CDH10: variants seen among roughly 807,000 people sequenced by gnomAD.
The protein encoded by CDH10 is cadherin-10.
In CDH10, 30 loss-of-function variants were observed where a neutral mutation model predicts 73.1. The ratio of observed to expected loss-of-function variants is 0.41; its 90% CI spans 0.31 to 0.56. CDH10 has a LOEUF of 0.56. Ranked by LOEUF, CDH10 falls within the 20% of genes least tolerant of loss-of-function variation. The pLI, the probability that CDH10 is intolerant of heterozygous loss-of-function variation, is 0.27. For missense variants in CDH10, 815 were observed against 973.7 expected (o/e 0.84, Z 2.17); for synonymous variants, 345 against 348.2 (o/e 0.99, Z 0.10).
At chr5:24,590,643 C>T (rs550511463) in intron 2 of CDH10, among the ~76,000 whole-genome samples, 2 of 152,112 alleles carry the variant, frequency 1.3e-5, no homozygotes, top group African/African-American at 4.8e-5. Context: ...GGGTTTCTAT[C>T]TGAGAAATTA....
intron 1 of CDH10, among the ~76,000 whole-genome samples, chr5:24,629,717 C>T (rs1391631821): frequency 1.3e-5 from 2 of 152,084 alleles, no homozygotes; most frequent in African/African-American, 4.8e-5. Flanking sequence ...TGTTCCTTCA[C>T]AGGCTCTCTT....
At chr5:24,626,789 T>TAC (rs1225471015) in intron 1 of CDH10, among the ~76,000 whole-genome samples, 1 of 148,286 alleles carries the variant, frequency 6.7e-6, no homozygotes, top group Non-Finnish European at 1.5e-5. Context: ...CCTATATATA[T>TAC]ATATGTGTGT....
chr5:24,493,013 G>A, intron 9 of CDH10, 88 bp from the exon 10 acceptor site: 1 of 647,698 alleles, frequency 1.5e-6, no homozygotes, highest in Non-Finnish European at 2.8e-6. Context: ...GTCTGAAGTT[G>A]TTCAAAATAA....
chr5:24,563,775 CAAAAA>C (rs56666966), intron 2 of CDH10, among the ~76,000 whole-genome samples: 4,805 of 128,736 alleles, frequency 0.037, 283 homozygotes, highest in African/African-American at 0.11. Context: ...CCCCCTCCAC[CAAAAA>C]AAAAAAAAAA....
chr5:24,580,472 T>C (rs1027593638), intron 2 of CDH10, among the ~76,000 whole-genome samples: 1 of 152,158 alleles, frequency 6.6e-6, no homozygotes, highest in Non-Finnish European at 1.5e-5. Context: ...AGATATTCTA[T>C]GATACCTTAG....
At chr5:24,536,464 C>G (rs945727829) in intron 3 of CDH10, among the ~76,000 whole-genome samples, 9 of 151,926 alleles carry the variant, frequency 5.9e-5, no homozygotes, top group African/African-American at 2.2e-4. Flanking sequence ...ACAACTATAA[C>G]TGTTACAAGT....
chr5:24,562,980 G>A (rs374722770), intron 2 of CDH10, among the ~76,000 whole-genome samples: 4 of 152,230 alleles, frequency 2.6e-5, no homozygotes, highest in East Asian at 1.9e-4. Context: ...ATTCTTACCC[G>A]ATCTCAAATC....
In CDH10 at chr5:24,627,864, C is replaced by T. The variant is rs530730107; in HGVS notation, c.-124+16730G>A. 6.6e-5 allele frequency among the ~76,000 whole-genome samples: 10 copies of T among 152,072 alleles called. No homozygotes were observed. The South Asian group carries it at 1.5e-3, about 22-fold the overall frequency. On this transcript the variant is annotated intron_variant, in intron 1 of 11. Transcript: ENST00000264463. The stretch of plus-strand genomic sequence containing the variant: ...AACAGTATGTACTGCACAGCACACA[C>T]GCACGCCACACACACACTAATATAG...
At chr5:24,632,697 C>T (rs559808764) in intron 1 of CDH10, among the ~76,000 whole-genome samples, 14 of 152,056 alleles carry the variant, frequency 9.2e-5, no homozygotes, top group South Asian at 8.3e-4. Flanking sequence ...ACATAGAGAT[C>T]ATTATTATAA....
chr5:24,523,971 G>T (rs1743433194), intron 5 of CDH10, among the ~76,000 whole-genome samples: 1 of 152,040 alleles, frequency 6.6e-6, no homozygotes, highest in Admixed American at 6.6e-5. Flanking sequence ...GATGGGTTGT[G>T]TGTGTGTGCA....
chr5:24,624,092 T>C (rs972587456), intron 1 of CDH10, among the ~76,000 whole-genome samples: 1 of 152,126 alleles, frequency 6.6e-6, no homozygotes, highest in Non-Finnish European at 1.5e-5. Context: ...CAGTACGTAC[T>C]CTGAGGTCTA....
At chr5:24,546,430 T>C (rs1744344785) in intron 2 of CDH10, among the ~76,000 whole-genome samples, 1 of 152,180 alleles carries the variant, frequency 6.6e-6, no homozygotes, top group Admixed American at 6.5e-5. Flanking sequence ...TGAATATACC[T>C]ATCCCCAAAC....
At chr5:24,604,621 C>T (rs982683249) in intron 1 of CDH10, among the ~76,000 whole-genome samples, 2 of 152,002 alleles carry the variant, frequency 1.3e-5, no homozygotes, top group East Asian at 1.9e-4. Flanking sequence ...ACCTGTAATC[C>T]CAGCACTTTG....
chr5:24,527,386 A>G (rs116283990), intron 5 of CDH10, among the ~76,000 whole-genome samples: 2,184 of 149,556 alleles, frequency 0.015, 53 homozygotes, highest in African/African-American at 0.047. Context: ...ATAAACATGT[A>G]CACACATATT....
chr5:24,586,880 TG>T (rs1746030346), intron 2 of CDH10, among the ~76,000 whole-genome samples: 3 of 138,702 alleles, frequency 2.2e-5, no homozygotes, highest in Non-Finnish European at 4.5e-5. Flanking sequence ...AGTCTCGCTC[TG>T]TCGCCCAGGC....
At chr5:24,553,709 A>G (rs1281786507) in intron 2 of CDH10, among the ~76,000 whole-genome samples, 1 of 152,146 alleles carries the variant, frequency 6.6e-6, no homozygotes, top group Non-Finnish European at 1.5e-5. Context: ...GTAACTTGCC[A>G]TTCCATAATC....
At chr5:24,547,368 G>T (rs1332493984) in intron 2 of CDH10, among the ~76,000 whole-genome samples, 1 of 152,126 alleles carries the variant, frequency 6.6e-6, no homozygotes, top group East Asian at 1.9e-4. Flanking sequence ...CCTGAGAGAA[G>T]AGAATTGTAC....
intron 9 of CDH10, among the ~76,000 whole-genome samples, chr5:24,494,405 G>C (rs905988248): frequency 1.3e-5 from 2 of 151,596 alleles, no homozygotes; most frequent in African/African-American, 4.8e-5. Flanking sequence ...TATTGAAGAG[G>C]AAAAAATGAC....
At chr5:24,544,748 C>A (rs923388062) in intron 2 of CDH10, among the ~76,000 whole-genome samples, 3 of 152,150 alleles carry the variant, frequency 2.0e-5, no homozygotes, top group African/African-American at 7.2e-5. Flanking sequence ...CAAGAACCTA[C>A]AAGAGATCAG....
Sources: allele counts gnomAD v4.1 joint callset (sites outside exome capture counted in the v4.1 genomes callset), GRCh38; gene constraint gnomAD v4.1.1; transcripts MANE v1.5; gene names NCBI Gene and HGNC (gene_info 2026-07-23, HGNC 2026-07-21).